Variants in EYS observed in about 807,000 individuals in gnomAD.
EYS encodes the protein EGF-like photoreceptor maintenance factor, also known as protein eyes shut homolog.
EYS carries 250 observed loss-of-function variants against 282.1 expected under a neutral mutation model. That is an observed-to-expected ratio of 0.89 (90% confidence interval 0.80 to 0.98). The LOEUF (loss-of-function observed/expected upper bound fraction) is 0.98, where lower values mean the gene tolerates loss of function less well. EYS is among the 50% of genes least tolerant of loss of function. The pLI is 0.00. For missense variants in EYS, 4,016 were observed against 3,709.0 expected, an observed-to-expected ratio of 1.08 and a Z score of -2.15; for synonymous variants, 1,355 against 1,282.9, an observed-to-expected ratio of 1.06 and a Z score of -1.20.
intron 2 of EYS, among the ~76,000 whole-genome samples, chr6:65,519,704 ATATATTT>A (rs1270177545): frequency 1.7e-4 from 6 of 36,236 alleles, no homozygotes; most frequent in African/African-American, 9.1e-4. Flanking sequence ...ATATATATAT[ATATATTT>A]TTTTTTTTTT....
At chr6:64,964,802 C>T (rs1770039235) in intron 14 of EYS, among the ~76,000 whole-genome samples, 2 of 152,024 alleles carry the variant, frequency 1.3e-5, no homozygotes, top group Admixed American at 6.6e-5. Flanking sequence ...GAGGCCAAGG[C>T]AGGCAGATCA....
chr6:64,211,724 T>TTA (rs894622847), intron 31 of EYS, among the ~76,000 whole-genome samples: 2 of 149,550 alleles, frequency 1.3e-5, no homozygotes, highest in African/African-American at 4.9e-5. Flanking sequence ...TTATATATGT[T>TTA]TATATATATA....
chr6:64,256,830 G>A (rs1767418154), intron 30 of EYS, among the ~76,000 whole-genome samples: 2 of 152,000 alleles, frequency 1.3e-5, no homozygotes, highest in Admixed American at 1.3e-4. Flanking sequence ...ATGCCCACGA[G>A]AGGCAGAGAG....
intron 2 of EYS, among the ~76,000 whole-genome samples, chr6:65,526,784 C>A (rs747829565): frequency 6.6e-6 from 1 of 151,732 alleles, no homozygotes; most frequent in African/African-American, 2.4e-5. Flanking sequence ...CCAGCCTGGG[C>A]GACAGAGCAA....
chr6:64,284,038 T>G (rs1012787350), intron 30 of EYS, among the ~76,000 whole-genome samples: 7 of 152,066 alleles, frequency 4.6e-5, no homozygotes, highest in African/African-American at 1.2e-4. Flanking sequence ...CCTCCAAATA[T>G]CATGTCTTTA....
At chr6:63,817,176 GCTA>G (rs1406886758) in intron 36 of EYS, among the ~76,000 whole-genome samples, 1 of 152,210 alleles carries the variant, frequency 6.6e-6, no homozygotes, top group Non-Finnish European at 1.5e-5. Flanking sequence ...CAAAGGTAAT[GCTA>G]CTATTGTGCT....
chr6:64,334,191 G>C (rs1430396308), intron 29 of EYS, among the ~76,000 whole-genome samples: 7 of 152,066 alleles, frequency 4.6e-5, no homozygotes, highest in Admixed American at 4.6e-4. Context: ...ATCAATCATA[G>C]TACCAATTAG....
intron 26 of EYS, among the ~76,000 whole-genome samples, chr6:64,566,421 A>C (rs1765569642): frequency 1.3e-5 from 2 of 152,156 alleles, no homozygotes; most frequent in Admixed American, 6.6e-5. Context: ...TATTGTCATC[A>C]TTAAAATTAT....
intron 5 of EYS, among the ~76,000 whole-genome samples, chr6:65,408,552 G>C (rs559249465): frequency 6.6e-6 from 1 of 152,128 alleles, no homozygotes; most frequent in African/African-American, 2.4e-5. Flanking sequence ...TTTAAAGTTT[G>C]AGCGGTCATT....
At position 65,076,307 on chromosome 6, in the gene EYS, C is replaced by T. The variant is rs138792435; in HGVS notation, c.2024-18580G>A. ...CAAGTTTGTATTATATTTCTGTTAT[C>T]TTTTGAAATATCAAATTATAAAATA... On this transcript the variant is annotated intron_variant, in intron 12 of 42. Coordinates refer to ENST00000503581, the MANE Select transcript of EYS (RefSeq NM_001142800.2). 9.1e-3 allele frequency among the ~76,000 whole-genome samples: 1,387 copies of T among 152,014 alleles called. 6 individuals are homozygous for T. Among genetic ancestry groups the T allele is most frequent in the Non-Finnish European group, 0.014 (972 of 67,910 alleles).
intron 11 of EYS, among the ~76,000 whole-genome samples, 194 bp from the exon 12 acceptor site, chr6:65,296,313 T>A: frequency 6.6e-6 from 1 of 152,030 alleles, no homozygotes; most frequent in East Asian, 1.9e-4. Flanking sequence ...TGCAGAATTA[T>A]GAGTGAAAAT....
chr6:65,109,334 G>T (rs755792875), intron 12 of EYS, among the ~76,000 whole-genome samples: 7 of 152,028 alleles, frequency 4.6e-5, no homozygotes, highest in South Asian at 2.1e-4. Flanking sequence ...TATTATAAAA[G>T]TTAAATTTTA....
intron 11 of EYS, among the ~76,000 whole-genome samples, chr6:65,324,489 T>C (rs1273141210): frequency 1.1e-4 from 16 of 152,188 alleles, no homozygotes; most frequent in Admixed American, 7.9e-4. Flanking sequence ...ACCGGTGATA[T>C]TGTAAACCTT....
At chr6:64,151,658 C>T (rs888256121) in intron 31 of EYS, among the ~76,000 whole-genome samples, 1 of 151,762 alleles carries the variant, frequency 6.6e-6, no homozygotes, top group African/African-American at 2.4e-5. Flanking sequence ...CCGCGCCCTG[C>T]CAACACATGT....
intron 31 of EYS, among the ~76,000 whole-genome samples, chr6:64,153,882 TACAA>T (rs1774824218): frequency 6.6e-6 from 1 of 151,994 alleles, no homozygotes; most frequent in Non-Finnish European, 1.5e-5. Flanking sequence ...AAGGGGAAAA[TACAA>T]ACAATTGGAG....
chr6:64,119,281 TA>T (rs1773493141), intron 31 of EYS, among the ~76,000 whole-genome samples: 1 of 152,146 alleles, frequency 6.6e-6, no homozygotes, highest in Admixed American at 6.5e-5. Flanking sequence ...TACATAATAT[TA>T]AAATAATTAG....
intron 2 of EYS, among the ~76,000 whole-genome samples, chr6:65,539,258 T>C (rs1272010750): frequency 1.3e-5 from 2 of 152,200 alleles, no homozygotes; most frequent in African/African-American, 2.4e-5. Flanking sequence ...AGAATAATAT[T>C]TCTCAGAAAC....
At chr6:64,151,343 A>ATATT (rs1562226710) in intron 31 of EYS, among the ~76,000 whole-genome samples, 2 of 118,672 alleles carry the variant, frequency 1.7e-5, no homozygotes, top group African/African-American at 8.1e-5. Flanking sequence ...ATATATATAT[A>ATATT]TATATATATA....
At chr6:65,420,176 C>A (rs1344507571) in intron 5 of EYS, among the ~76,000 whole-genome samples, 1 of 151,888 alleles carries the variant, frequency 6.6e-6, no homozygotes, top group Non-Finnish European at 1.5e-5. Context: ...CATGCAATGC[C>A]ATTTGAGAGC....
Sources: allele counts gnomAD v4.1 joint callset (sites outside exome capture counted in the v4.1 genomes callset), GRCh38; gene constraint gnomAD v4.1.1; transcripts MANE v1.5; gene names NCBI Gene and HGNC (gene_info 2026-07-23, HGNC 2026-07-21).